Variants in SPATA31H1 observed in about 807,000 individuals in gnomAD.
SPATA31H1 encodes SPATA31 subfamily H member 1.
chr2:27,571,489 G>A, the SPATA31H1 span: 19 of 398,324 alleles, frequency 4.8e-5, no homozygotes, highest in Non-Finnish European at 8.4e-5. Flanking sequence ...CCATGTTCAA[G>A]AATTCAAGAT....
At chr2:27,570,803 A>G in the SPATA31H1 span, 1 of 398,938 alleles carries the variant, frequency 2.5e-6, no homozygotes, top group Non-Finnish European at 4.4e-6. Context: ...AAGGTGTAAA[A>G]TATGTAGCAG....
At chr2:27,576,465 C>T in the SPATA31H1 span, 2 of 819,244 alleles carry the variant, frequency 2.4e-6, no homozygotes, top group Non-Finnish European at 1.9e-6. Context: ...AACTCTATGG[C>T]CACAACCTCA....
the SPATA31H1 span, chr2:27,573,792 G>A: frequency 5.0e-6 from 2 of 398,510 alleles, no homozygotes; most frequent in Non-Finnish European, 8.9e-6. Flanking sequence ...ACAGTTTTCA[G>A]GGGTGAAATC....
At chr2:27,579,852 G>T in the SPATA31H1 span, 1 of 1,614,194 alleles carries the variant, frequency 6.2e-7, no homozygotes, top group East Asian at 2.2e-5. Context: ...GCTAAAAATA[G>T]CAGCAAAACT....
the SPATA31H1 span, among the ~76,000 whole-genome samples, chr2:27,558,788 G>GCACT: frequency 9.4e-6 from 1 of 106,908 alleles, no homozygotes; most frequent in South Asian, 3.8e-4. Flanking sequence ...GCAATCGCAG[G>GCACT]CACTCGGCAG....
the SPATA31H1 span, among the ~76,000 whole-genome samples, chr2:27,561,883 T>G: frequency 6.6e-5 from 10 of 152,300 alleles, no homozygotes; most frequent in African/African-American, 2.4e-4. Context: ...TATTTTTTTG[T>G]AGAGATGGGG....
chr2:27,576,856 C>G, the SPATA31H1 span: 2 of 1,613,972 alleles, frequency 1.2e-6, no homozygotes, highest in East Asian at 2.2e-5. Flanking sequence ...GAATTAGCAC[C>G]AGGGTCACTG....
the SPATA31H1 span, among the ~76,000 whole-genome samples, chr2:27,548,709 T>C: frequency 6.6e-6 from 1 of 152,036 alleles, no homozygotes; most frequent in East Asian, 1.9e-4. Flanking sequence ...TGTGAGTCTC[T>C]TAAGTGTCTT....
chr2:27,537,404 TGAG>T, the SPATA31H1 span: 8 of 715,276 alleles, frequency 1.1e-5, no homozygotes, highest in Non-Finnish European at 2.1e-5. Context: ...AAACTCTGGC[TGAG>T]AAGAGCATGG....
the SPATA31H1 span, chr2:27,573,847 T>C: frequency 2.5e-6 from 1 of 398,522 alleles, no homozygotes; most frequent in East Asian, 3.6e-5. Context: ...GATAAAACTG[T>C]AGCGCTGAAC....
chr2:27,560,739 T>G, the SPATA31H1 span, among the ~76,000 whole-genome samples: 164 of 152,318 alleles, frequency 1.1e-3, no homozygotes, highest in Non-Finnish European at 1.9e-3. Context: ...TTAACAGGTG[T>G]GAGCCACCGC....
the SPATA31H1 span, among the ~76,000 whole-genome samples, chr2:27,556,377 T>C: frequency 1.3e-5 from 2 of 151,500 alleles, no homozygotes; most frequent in African/African-American, 4.9e-5. Context: ...ATATACTCCC[T>C]GCACTGTTAG....
At chr2:27,580,881 T>G in the SPATA31H1 span, 2 of 1,613,934 alleles carry the variant, frequency 1.2e-6, no homozygotes, top group Admixed American at 3.3e-5. Context: ...CCAGTGCAGA[T>G]CAGCTCAACA....
the SPATA31H1 span, chr2:27,579,882 C>G: frequency 5.9e-5 from 95 of 1,614,074 alleles, no homozygotes; most frequent in Non-Finnish European, 7.6e-5. Flanking sequence ...TCAAATACCC[C>G]CCGATGTGCC....
chr2:27,540,056 G>A, the SPATA31H1 span, among the ~76,000 whole-genome samples: 287 of 108,912 alleles, frequency 2.6e-3, no homozygotes, highest in Middle Eastern at 8.3e-3. Context: ...CGGCTGGCCG[G>A]GCAGAGGGGT....
chr2:27,581,459 C>G, the SPATA31H1 span: 1 of 1,613,944 alleles, frequency 6.2e-7, no homozygotes, highest in Non-Finnish European at 8.5e-7. Context: ...CTGAAAGGGG[C>G]CTTCACAGTC....
the SPATA31H1 span, chr2:27,577,630 G>A: frequency 1.2e-6 from 2 of 1,613,950 alleles, no homozygotes; most frequent in African/African-American, 2.7e-5. The surrounding 1 kb of genome is among the most constrained non-coding windows in gnomAD (Gnocchi z 4.5). Context: ...ATGACACCTG[G>A]GTTAGGACAT....
chr2:27,569,016 A>T, the SPATA31H1 span: 1 of 398,840 alleles, frequency 2.5e-6, no homozygotes, highest in African/African-American at 2.1e-5. Flanking sequence ...CCAAGTGGAA[A>T]AATCTATTGG....
At chr2:27,576,170 A>T in the SPATA31H1 span, 1 of 406,164 alleles carries the variant, frequency 2.5e-6, no homozygotes, top group Non-Finnish European at 4.3e-6. Context: ...GTGTAGAATC[A>T]GGGACAAAAT....
Sources: gnomAD v4.1 joint callset for allele counts (sites outside exome capture counted in the v4.1 genomes callset) on GRCh38, gnomAD v4.1.1 for gene constraint, Gnocchi (gnomAD v3.1) non-coding constraint, MANE v1.5 for transcripts, NCBI Gene and HGNC (gene_info 2026-07-23, HGNC 2026-07-21) for gene names.